COL26A1: variants seen among roughly 807,000 people sequenced by gnomAD.
The protein encoded by COL26A1 is collagen type XXVI alpha 1 chain, also known as collagen alpha-1(XXVI) chain.
In COL26A1, 41 loss-of-function variants were observed where a neutral mutation model predicts 59.3. The ratio of observed to expected loss-of-function variants is 0.69; its 90% CI spans 0.54 to 0.90. The LOEUF is 0.90. Among genes scored for constraint, COL26A1 ranks in the 40% least tolerant of loss-of-function variants. The probability of loss-of-function intolerance (pLI) is 0.00; values close to 1 mark genes in which losing one functional copy is unlikely to be tolerated. For missense variants in COL26A1, 612 were observed against 602.3 expected (o/e 1.02, Z -0.17); for synonymous variants, 266 against 256.0 (o/e 1.04, Z -0.37).
At chr7:101,527,664 C>A (rs750124844) in intron 3 of COL26A1, among the ~76,000 whole-genome samples, 1 of 152,170 alleles carries the variant, frequency 6.6e-6, no homozygotes, top group East Asian at 1.9e-4. Context: ...TGCTTGTGCA[C>A]CCACAAACAC....
At chr7:101,478,387 G>A (rs1794094342) in intron 3 of COL26A1, among the ~76,000 whole-genome samples, 2 of 152,170 alleles carry the variant, frequency 1.3e-5, no homozygotes, top group African/African-American at 2.4e-5. Context: ...AAACAGATGA[G>A]CAGAGGAAAA....
chr7:101,387,757 TATATATATATA>T (rs1791619410), intron 1 of COL26A1, among the ~76,000 whole-genome samples: 2 of 49,572 alleles, frequency 4.0e-5, no homozygotes, highest in Admixed American at 2.7e-4. Flanking sequence ...TATATATTTA[TATATATATATA>T]TATATATATA....
At chr7:101,526,370 T>A (rs1795248553) in intron 3 of COL26A1, among the ~76,000 whole-genome samples, 3 of 152,154 alleles carry the variant, frequency 2.0e-5, no homozygotes, top group African/African-American at 7.2e-5. Context: ...TTTTTAAGGA[T>A]CGCCTCCAGC....
chr7:101,365,663 A>G (rs532601962), intron 1 of COL26A1, among the ~76,000 whole-genome samples: 1 of 152,072 alleles, frequency 6.6e-6, no homozygotes, highest in East Asian at 1.9e-4. Flanking sequence ...GCCTCAAATG[A>G]TCTGCCTGCC....
At chr7:101,364,572 CTTTT>C (rs10596691) in intron 1 of COL26A1, among the ~76,000 whole-genome samples, 85,418 of 146,200 alleles carry the variant, frequency 0.58, 25,931 homozygotes, top group African/African-American at 0.8. Flanking sequence ...TGCTTTCTTT[CTTTT>C]TTTTTTTTTT....
chr7:101,504,506 C>A (rs961378009), intron 3 of COL26A1, among the ~76,000 whole-genome samples: 1 of 152,130 alleles, frequency 6.6e-6, no homozygotes, highest in African/African-American at 2.4e-5. Context: ...GGGACTTCCG[C>A]CTCGCTCCTC....
At chr7:101,543,572 T>C (rs894555153) in intron 5 of COL26A1, among the ~76,000 whole-genome samples, 1 of 151,958 alleles carries the variant, frequency 6.6e-6, no homozygotes, top group East Asian at 1.9e-4. Flanking sequence ...AGATCCATCC[T>C]TCAGGACCTC....
At chr7:101,488,399 A>G (rs1244941417) in intron 3 of COL26A1, among the ~76,000 whole-genome samples, 1 of 137,514 alleles carries the variant, frequency 7.3e-6, no homozygotes, top group Admixed American at 7.3e-5. Context: ...TTTTTTTTCC[A>G]GAGTCTAACT....
intron 3 of COL26A1, among the ~76,000 whole-genome samples, chr7:101,517,798 A>ATTTTTTTTTTTT (rs869245512): frequency 1.3e-5 from 1 of 76,912 alleles, no homozygotes; most frequent in African/African-American, 4.7e-5. Context: ...TTCTCCCCGC[A>ATTTTTTTTTTTT]TTTTTTTTTT....
chr7:101,415,384 C>G (rs1211771087), intron 1 of COL26A1, among the ~76,000 whole-genome samples: 2 of 152,094 alleles, frequency 1.3e-5, no homozygotes, highest in Non-Finnish European at 2.9e-5. Context: ...GAACTCCTGA[C>G]TTCAGATGAT....
At chr7:101,379,443 T>C (rs1026640832) in intron 1 of COL26A1, among the ~76,000 whole-genome samples, 1 of 152,194 alleles carries the variant, frequency 6.6e-6, no homozygotes, top group African/African-American at 2.4e-5. Flanking sequence ...TCTCTCTTGG[T>C]GCTCTGCTCA....
chr7:101,525,718 G>C (rs189381681), intron 3 of COL26A1, among the ~76,000 whole-genome samples: 28 of 152,058 alleles, frequency 1.8e-4, no homozygotes, highest in South Asian at 1.0e-3. Flanking sequence ...GGATGGTCTC[G>C]ATCTCCTGAC....
intron 2 of COL26A1, among the ~76,000 whole-genome samples, chr7:101,433,112 C>T (rs940222639): frequency 6.6e-6 from 1 of 152,030 alleles, no homozygotes; most frequent in Non-Finnish European, 1.5e-5. Flanking sequence ...CGCTTGAGGC[C>T]AGAAGTTTGA....
intron 2 of COL26A1, among the ~76,000 whole-genome samples, chr7:101,428,929 T>TC (rs1210754150): frequency 6.6e-6 from 1 of 150,882 alleles, no homozygotes. Flanking sequence ...TTTCTTTCTT[T>TC]TTTTTTTTTT....
chr7:101,453,644 G>T (rs144823558), intron 3 of COL26A1, among the ~76,000 whole-genome samples: 30 of 152,272 alleles, frequency 2.0e-4, no homozygotes, highest in African/African-American at 6.3e-4. Flanking sequence ...GTGCCTGAGG[G>T]TCCTGGACAT....
chr7:101,514,844 C>T (rs940495521), intron 3 of COL26A1, among the ~76,000 whole-genome samples: 2 of 152,242 alleles, frequency 1.3e-5, no homozygotes, highest in Non-Finnish European at 2.9e-5. Flanking sequence ...CCACCATATC[C>T]CTAAAGCTCA....
At chr7:101,530,134 G>C (rs1304276109) in intron 3 of COL26A1, among the ~76,000 whole-genome samples, 1 of 152,124 alleles carries the variant, frequency 6.6e-6, no homozygotes, top group Non-Finnish European at 1.5e-5. Context: ...TTTAGGGCTG[G>C]GGTAGCTTAA....
At chr7:101,493,651 G>A (rs750125323) in intron 3 of COL26A1, among the ~76,000 whole-genome samples, 17 of 151,446 alleles carry the variant, frequency 1.1e-4, no homozygotes, top group Admixed American at 2.6e-4. Flanking sequence ...GGCCGGGCGC[G>A]GTAGCTCACG....
At chr7:101,385,141 C>T (rs919461003) in intron 1 of COL26A1, among the ~76,000 whole-genome samples, 3 of 151,104 alleles carry the variant, frequency 2.0e-5, no homozygotes, top group African/African-American at 7.3e-5. Flanking sequence ...TGTTAATCTC[C>T]TCTGAAAACA....
Sources: allele counts gnomAD v4.1 joint callset (sites outside exome capture counted in the v4.1 genomes callset), GRCh38; gene constraint gnomAD v4.1.1; transcripts MANE v1.5; gene names NCBI Gene and HGNC (gene_info 2026-07-23, HGNC 2026-07-21).